The following LRP1B variants were observed in gnomAD, a reference collection of about 807,000 sequenced individuals.
LRP1B encodes the protein low-density lipoprotein receptor-related protein 1B.
In LRP1B, 217 loss-of-function variants were observed where a neutral mutation model predicts 556.6. The ratio of observed to expected loss-of-function variants is 0.39; its 90% CI spans 0.35 to 0.44. The LOEUF (loss-of-function observed/expected upper bound fraction) is 0.44. LRP1B is among the 20% of genes least tolerant of loss of function. The pLI is 1.00. For missense variants in LRP1B, 5,053 were observed against 5,620.8 expected, an observed-to-expected ratio of 0.90 and a Z score of 3.23; for synonymous variants, 2,047 against 1,865.8, an observed-to-expected ratio of 1.10 and a Z score of -2.50.
At chr2:142,130,449 G>A (rs1263501008) in intron 1 of LRP1B, among the ~76,000 whole-genome samples, 199 bp downstream of exon 1, 3 of 152,222 alleles carry the variant, frequency 2.0e-5, no homozygotes, top group Admixed American at 2.0e-4. Flanking sequence ...AGCTGTGGGG[G>A]TGCCGAGGAC....
chr2:140,353,117 A>G (rs1378573819), intron 75 of LRP1B, 45 bp from the exon 76 acceptor site: 1 of 1,604,564 alleles, frequency 6.2e-7, no homozygotes, highest in Non-Finnish European at 8.5e-7. Context: ...CCCTCAATTC[A>G]GACTCCTATT....
chr2:140,357,443 C>A (rs568384191), intron 74 of LRP1B, among the ~76,000 whole-genome samples: 37 of 151,240 alleles, frequency 2.4e-4, no homozygotes, highest in Middle Eastern at 3.4e-3. Flanking sequence ...AATTTAGGAT[C>A]ATACATTTAA....
intron 43 of LRP1B, among the ~76,000 whole-genome samples, chr2:140,576,470 T>C (rs1335927133): frequency 2.0e-5 from 3 of 152,232 alleles, no homozygotes; most frequent in Admixed American, 2.0e-4. Context: ...CAGACTTGGT[T>C]GTGTATGGAT....
At chr2:141,349,440 T>C (rs899599374) in intron 3 of LRP1B, among the ~76,000 whole-genome samples, 1 of 151,958 alleles carries the variant, frequency 6.6e-6, no homozygotes, top group African/African-American at 2.4e-5. Flanking sequence ...AAAGAGATTG[T>C]TTTACAATGG....
At chr2:140,776,260 T>C in intron 32 of LRP1B, 22 bp from the exon 33 acceptor site, 5 of 1,522,374 alleles carry the variant, frequency 3.3e-6, no homozygotes, top group Non-Finnish European at 4.4e-6. Context: ...AAAGATATTT[T>C]TTAAAGGAAA....
intron 82 of LRP1B, among the ~76,000 whole-genome samples, chr2:140,320,387 G>A (rs542639406): frequency 6.6e-6 from 1 of 152,106 alleles, no homozygotes; most frequent in East Asian, 1.9e-4. Flanking sequence ...TCTTCAAATT[G>A]GATGTAACCT....
intron 86 of LRP1B, among the ~76,000 whole-genome samples, chr2:140,252,069 A>AAAAAAAAAAAAAAAAAAAAAAAAC (rs1681450436): frequency 8.4e-6 from 1 of 118,424 alleles, no homozygotes; most frequent in Non-Finnish European, 1.8e-5. Context: ...ATGCAAAAAA[A>AAAAAAAAAAAAAAAAAAAAAAAAC]AAAAAAAAAA....
At chr2:140,640,056 G>A (rs959633646) in intron 41 of LRP1B, among the ~76,000 whole-genome samples, 1 of 152,078 alleles carries the variant, frequency 6.6e-6, no homozygotes, top group Non-Finnish European at 1.5e-5. Context: ...AGGCTGGAGT[G>A]CAGTGGCACG....
chr2:141,959,864 G>A (rs1452924260), intron 1 of LRP1B, among the ~76,000 whole-genome samples: 2 of 151,876 alleles, frequency 1.3e-5, no homozygotes, highest in African/African-American at 4.8e-5. Flanking sequence ...GTACTGATGA[G>A]CAGAACTCTG....
chr2:140,768,759 G>C (rs952933189), intron 35 of LRP1B, among the ~76,000 whole-genome samples: 1 of 151,776 alleles, frequency 6.6e-6, no homozygotes, highest in Non-Finnish European at 1.5e-5. Flanking sequence ...ATTTTCAGTG[G>C]TGTAGCATGT....
At chr2:141,686,733 A>C (rs1479126771) in intron 2 of LRP1B, among the ~76,000 whole-genome samples, 1 of 152,022 alleles carries the variant, frequency 6.6e-6, no homozygotes, top group Admixed American at 6.6e-5. Context: ...GAAGCCTTTC[A>C]GAGGTGATTG....
chr2:140,442,766 T>A (rs1241445749), intron 65 of LRP1B, 143 bp from the exon 66 acceptor site: 5 of 734,660 alleles, frequency 6.8e-6, no homozygotes, highest in Non-Finnish European at 8.7e-6. Context: ...GTGAGGAATT[T>A]TAACTTTTAA....
chr2:140,350,582 C>T (rs1422854887), intron 77 of LRP1B, among the ~76,000 whole-genome samples: 3 of 151,886 alleles, frequency 2.0e-5, no homozygotes, highest in African/African-American at 4.8e-5. Context: ...TAGTCAAATA[C>T]ATTAAAGCAA....
At chr2:140,341,999 G>A (rs1467695036) in intron 77 of LRP1B, among the ~76,000 whole-genome samples, 1 of 151,248 alleles carries the variant, frequency 6.6e-6, no homozygotes, top group Non-Finnish European at 1.5e-5. Flanking sequence ...ACAAAATATG[G>A]AATCTAAAAA....
In LRP1B at chr2:140,714,179, C is replaced by T. The variant is rs184197294; in HGVS notation, c.6023+1794G>A. 2.0e-5 allele frequency among the ~76,000 whole-genome samples: 3 copies of T among 152,250 alleles called. No individual in the cohort carries two copies. The East Asian group carries it at 5.8e-4, about 29-fold the overall frequency. On this transcript the variant is annotated intron_variant, in intron 37 of 90. Coordinates refer to ENST00000389484, the MANE Select transcript of LRP1B (RefSeq NM_018557.3). Reference sequence around the variant, plus strand: ...ATGCCAGCATACTTCACAGTGTCTACAAGTGTCTTTCATATGTACTTGTAT... The same window carrying T: ...ATGCCAGCATACTTCACAGTGTCTATAAGTGTCTTTCATATGTACTTGTAT...
At chr2:140,387,747 A>C (rs1683824659) in intron 66 of LRP1B, among the ~76,000 whole-genome samples, 1 of 152,074 alleles carries the variant, frequency 6.6e-6, no homozygotes, top group African/African-American at 2.4e-5. Context: ...AGAATTTCTA[A>C]TGTTACATTC....
intron 7 of LRP1B, among the ~76,000 whole-genome samples, chr2:141,170,243 T>G (rs1680446008): frequency 6.6e-6 from 1 of 152,114 alleles, no homozygotes; most frequent in Non-Finnish European, 1.5e-5. Context: ...TCCTTACTTT[T>G]GGCTAAAACG....
At chr2:140,411,219 G>C (rs748735764) in intron 66 of LRP1B, among the ~76,000 whole-genome samples, 21 of 152,048 alleles carry the variant, frequency 1.4e-4, no homozygotes, top group Non-Finnish European at 2.5e-4. Flanking sequence ...ACATCTGAAT[G>C]AGAACATATT....
At chr2:140,545,705 G>T (rs1680307495) in intron 43 of LRP1B, among the ~76,000 whole-genome samples, 1 of 151,896 alleles carries the variant, frequency 6.6e-6, no homozygotes, top group African/African-American at 2.4e-5. Context: ...ACAGTTTGAA[G>T]TCAGTTTGTG....
Sources: allele counts gnomAD v4.1 joint callset (sites outside exome capture counted in the v4.1 genomes callset), GRCh38; gene constraint gnomAD v4.1.1; transcripts MANE v1.5; gene names NCBI Gene and HGNC (gene_info 2026-07-23, HGNC 2026-07-21).